Variants in RAVER2 observed in about 807,000 individuals in gnomAD.
RAVER2 encodes ribonucleoprotein, PTB binding 2.
A neutral mutation model predicts 78.1 loss-of-function variants in RAVER2; 46 were observed. The observed-to-expected ratio is 0.59, with a 90% CI of 0.46 to 0.75. The LOEUF (loss-of-function observed/expected upper bound fraction) is 0.75. Ranked by LOEUF, RAVER2 falls within the 30% of genes least tolerant of loss-of-function variation. RAVER2 has a pLI of 0.00. For synonymous variants in RAVER2, 311 were observed against 313.3 expected, an observed-to-expected ratio of 0.99 and a Z score of 0.08; for missense variants, 793 against 837.5, an observed-to-expected ratio of 0.95 and a Z score of 0.66.
In RAVER2 at chr1:64,778,099, A is replaced by G; in HGVS notation, c.786+7A>G. 2 of 1,562,622 alleles carry G rather than the reference A, an allele frequency of 1.3e-6. No homozygotes were observed. The highest frequency in any genetic ancestry group is 1.7e-6 in the Non-Finnish European group (2 of 1,148,586). On this transcript the variant is annotated splice_region_variant and intron_variant, in intron 3 of 11. Transcript: ENST00000294428. ...TAAACCTGTGTTTTGCCAGGTATGT[A>G]TTTTTAAGAGATTATTGAAATATTT...
At chr1:64,782,268 A>G (rs994795343) in intron 4 of RAVER2, among the ~76,000 whole-genome samples, 9 of 152,244 alleles carry the variant, frequency 5.9e-5, no homozygotes, top group African/African-American at 2.2e-4. Flanking sequence ...TATGTGGCAC[A>G]TTGTACTTCC....
chr1:64,797,882 A>G (rs1461840896), intron 5 of RAVER2, among the ~76,000 whole-genome samples: 2 of 150,338 alleles, frequency 1.3e-5, no homozygotes, highest in African/African-American at 4.9e-5. Flanking sequence ...TGGCTACTCC[A>G]TCAATAATGT....
chr1:64,789,210 A>C (rs12128391), intron 4 of RAVER2, among the ~76,000 whole-genome samples, 178 bp from the exon 5 acceptor site: 4 of 152,136 alleles, frequency 2.6e-5, no homozygotes, highest in African/African-American at 9.7e-5. Flanking sequence ...ATTTTATGCC[A>C]TATGTATAAT....
At chr1:64,781,836 C>T (rs1652638004) in intron 4 of RAVER2, among the ~76,000 whole-genome samples, 1 of 152,130 alleles carries the variant, frequency 6.6e-6, no homozygotes, top group African/African-American at 2.4e-5. Context: ...TTCATTTATT[C>T]AGCAAATATT....
chr1:64,768,003 A>G (rs1277484478), intron 1 of RAVER2, among the ~76,000 whole-genome samples: 5 of 152,002 alleles, frequency 3.3e-5, no homozygotes, highest in Non-Finnish European at 7.4e-5. Flanking sequence ...GGGGAAATAA[A>G]TGGAACTGCA....
At chr1:64,782,871 C>T (rs1390053830) in intron 4 of RAVER2, among the ~76,000 whole-genome samples, 1 of 152,168 alleles carries the variant, frequency 6.6e-6, no homozygotes, top group Non-Finnish European at 1.5e-5. Flanking sequence ...CCAATGCTAT[C>T]AATCCCCCAG....
chr1:64,829,317 C>A (rs1456027950), intron 11 of RAVER2, among the ~76,000 whole-genome samples: 3 of 152,128 alleles, frequency 2.0e-5, no homozygotes, highest in Non-Finnish European at 4.4e-5. Context: ...CTTCCCTCCC[C>A]CAGTCTTTGG....
chr1:64,829,323 T>G (rs769758758), intron 11 of RAVER2, among the ~76,000 whole-genome samples: 5 of 152,116 alleles, frequency 3.3e-5, no homozygotes, highest in Non-Finnish European at 7.4e-5. Flanking sequence ...TCCCCCAGTC[T>G]TTGGAAAATC....
intron 1 of RAVER2, among the ~76,000 whole-genome samples, chr1:64,752,237 G>A (rs147834148): frequency 6.6e-6 from 1 of 152,196 alleles, no homozygotes; most frequent in African/African-American, 2.4e-5. Context: ...AGCCACTAGT[G>A]GGGGATCAGA....
chr1:64,777,959 T>G (rs765769293), exon 3 of RAVER2: 1 of 1,614,120 alleles, frequency 6.2e-7, no homozygotes, highest in Non-Finnish European at 8.5e-7. Context: ...GCACAATGGA[T>G]GGATGTTAAT....
At chr1:64,758,783 A>G (rs1332265013) in intron 1 of RAVER2, among the ~76,000 whole-genome samples, 3 of 152,134 alleles carry the variant, frequency 2.0e-5, no homozygotes, top group Non-Finnish European at 4.4e-5. Flanking sequence ...CTTATGATCT[A>G]CAGAACTATG....
At chr1:64,807,238 A>G (rs755221369) in exon 9 of RAVER2, 3 of 1,613,924 alleles carry the variant, frequency 1.9e-6, no homozygotes, top group East Asian at 2.2e-5. Context: ...AACAACGATA[A>G]CAGCTGGAAT....
At chr1:64,759,203 T>A (rs1651941982) in intron 1 of RAVER2, among the ~76,000 whole-genome samples, 1 of 151,372 alleles carries the variant, frequency 6.6e-6, no homozygotes, top group Admixed American at 6.6e-5. Flanking sequence ...TTTTTATTTT[T>A]ATTTTTATTT....
intron 2 of RAVER2, among the ~76,000 whole-genome samples, chr1:64,772,270 T>A (rs922415585): frequency 6.6e-6 from 1 of 152,158 alleles, no homozygotes; most frequent in Non-Finnish European, 1.5e-5. Flanking sequence ...TTCCCTACTG[T>A]CTGAACTTTT....
At chr1:64,753,452 A>T (rs1190150751) in intron 1 of RAVER2, among the ~76,000 whole-genome samples, 1 of 150,756 alleles carries the variant, frequency 6.6e-6, no homozygotes, top group African/African-American at 2.4e-5. Flanking sequence ...GGTCTTATTT[A>T]TGTGTAATAT....
chr1:64,777,769 T>A, exon 3 of RAVER2: 1 of 1,614,070 alleles, frequency 6.2e-7, no homozygotes, highest in South Asian at 1.1e-5. Flanking sequence ...TTCTTTTACA[T>A]CAGAAGAGTT....
chr1:64,796,072 A>T (rs965587157), intron 5 of RAVER2, among the ~76,000 whole-genome samples: 2 of 151,982 alleles, frequency 1.3e-5, no homozygotes, highest in Admixed American at 6.6e-5. Flanking sequence ...ATCTGTTAAC[A>T]TGATACATTA....
chr1:64,774,331 A>C (rs1652403762), intron 2 of RAVER2, among the ~76,000 whole-genome samples: 1 of 152,186 alleles, frequency 6.6e-6, no homozygotes, highest in African/African-American at 2.4e-5. Flanking sequence ...TAAGTCTTTA[A>C]TCCACCTTGA....
intron 4 of RAVER2, among the ~76,000 whole-genome samples, chr1:64,787,181 T>C (rs547053604): frequency 6.6e-6 from 1 of 152,364 alleles, no homozygotes; most frequent in Admixed American, 6.5e-5. Flanking sequence ...TTCCTATTCA[T>C]AATTCTGCTT....
Sources: allele counts gnomAD v4.1 joint callset (sites outside exome capture counted in the v4.1 genomes callset), GRCh38; gene constraint gnomAD v4.1.1; transcripts MANE v1.5; gene names NCBI Gene and HGNC (gene_info 2026-07-23, HGNC 2026-07-21).